The following CLN8 variants were observed in gnomAD, a reference collection of about 807,000 sequenced individuals.
The protein encoded by CLN8 is protein CLN8.
In CLN8, 14 loss-of-function variants were observed where a neutral mutation model predicts 15.7. The observed-to-expected ratio is 0.89, with a 90% CI of 0.59 to 1.39. The LOEUF is 1.39. Ranked by LOEUF, CLN8 falls within the 40% of genes most tolerant of loss-of-function variation. The pLI is 0.00. For missense variants in CLN8, 415 were observed against 364.0 expected, an observed-to-expected ratio of 1.14 and a Z score of -1.14; for synonymous variants, 188 against 151.0, an observed-to-expected ratio of 1.25 and a Z score of -1.80.
rs1198051464 is a variant in CLN8, at chr8:1,781,500, C to G, written c.*933C>G. ...CGCCTTGGAGTTTAACCCCCACCAACCAGAGCGTGGGCTGGTAAAGATGAA... is the reference window on the plus strand; with the variant it reads ...CGCCTTGGAGTTTAACCCCCACCAAGCAGAGCGTGGGCTGGTAAAGATGAA... On this transcript the variant is annotated 3_prime_UTR_variant, in exon 3 of 3. Transcript: ENST00000331222. 6.6e-6 allele frequency: 1 copy of G among 151,708 alleles called. No homozygotes were observed. Among genetic ancestry groups the G allele is most frequent in the Non-Finnish European group, 1.5e-5 (1 of 67,968 alleles). 9.4% of individuals were successfully genotyped at this position (151,708 alleles called of 1,614,324 possible).
At chr8:1,773,927 C>T (rs958431703) in intron 2 of CLN8, 2 of 152,224 alleles carry the variant, frequency 1.3e-5, no homozygotes, top group African/African-American at 4.8e-5. Context: ...ATTATTAATA[C>T]ATCCCACAAG....
At chr8:1,757,549 T>A (rs1454705411) in intron 1 of CLN8, among the ~76,000 whole-genome samples, 1 of 152,154 alleles carries the variant, frequency 6.6e-6, no homozygotes, top group Admixed American at 6.5e-5. Flanking sequence ...CATGTAATTC[T>A]CCTGCCTCAG....
At chr8:1,772,588 A>G (rs1167714754) in intron 2 of CLN8, among the ~76,000 whole-genome samples, 1 of 151,930 alleles carries the variant, frequency 6.6e-6, no homozygotes. Context: ...CCTCCCAAGT[A>G]GCTGGGATTA....
At chr8:1,774,724 G>A (rs1402263262) in intron 2 of CLN8, among the ~76,000 whole-genome samples, 2 of 152,172 alleles carry the variant, frequency 1.3e-5, no homozygotes, top group East Asian at 3.9e-4. Flanking sequence ...CAAGTGCGGT[G>A]GCTCACACCT....
chr8:1,768,221 G>A (rs1407254508), intron 1 of CLN8, among the ~76,000 whole-genome samples: 1 of 152,182 alleles, frequency 6.6e-6, no homozygotes, highest in African/African-American at 2.4e-5. Flanking sequence ...TGGGATTACA[G>A]GTGTGAGCCA....
rs1026460980 is a variant in CLN8, at chr8:1,771,477, T to G, written c.423T>G (p.Phe141Leu). 6.2e-7 allele frequency: 1 copy of G among 1,614,116 alleles called. No homozygotes were observed. The change falls in exon 2 of 3, where the codon TTT becomes TTG. Residue 141 changes from phenylalanine to leucine, a missense_variant. Coordinates refer to ENST00000331222, the MANE Select transcript of CLN8 (RefSeq NM_018941.4). ...TGTTTCTGGTTATCCACCATCTCTT[T>G]GCCTTTCTTGGGTTTCTTGGCTGCT... Reference protein sequence around the residue: ...FDLFLVIHHLFAFLGFLGCLV... With the variant: ...FDLFLVIHHLLAFLGFLGCLV...
At chr8:1,764,257 C>T (rs1441950145) in intron 1 of CLN8, 2 of 152,270 alleles carry the variant, frequency 1.3e-5, no homozygotes, top group Non-Finnish European at 2.9e-5. Flanking sequence ...AGCCCCGCAG[C>T]CCGGGGTCCT....
At chr8:1,761,200 C>G (rs943715210), upstream of CLN8, among the ~76,000 whole-genome samples, 15 of 151,724 alleles carry the variant, frequency 9.9e-5, no homozygotes, top group African/African-American at 3.6e-4. Flanking sequence ...GTTGCCTACA[C>G]AGAGCTGATT....
intron 2 of CLN8, among the ~76,000 whole-genome samples, chr8:1,775,837 G>A (rs181819051): frequency 4.6e-4 from 70 of 152,298 alleles, no homozygotes; most frequent in South Asian, 3.3e-3. Context: ...GATACTGTAC[G>A]CTCTCTTGAG....
chr8:1,768,607 C>T (rs1801175198), intron 1 of CLN8, among the ~76,000 whole-genome samples: 1 of 152,170 alleles, frequency 6.6e-6, no homozygotes, highest in African/African-American at 2.4e-5. Context: ...ATATTTTAAC[C>T]TTTAACAGTG....
chr8:1,775,927 A>G (rs1465355955), intron 2 of CLN8, among the ~76,000 whole-genome samples: 1 of 152,238 alleles, frequency 6.6e-6, no homozygotes, highest in Non-Finnish European at 1.5e-5. Context: ...GTAAGTGGGA[A>G]TCTGTGGGAG....
intron 2 of CLN8, among the ~76,000 whole-genome samples, chr8:1,776,739 A>G (rs1020767310): frequency 2.0e-5 from 3 of 152,328 alleles, no homozygotes; most frequent in South Asian, 2.1e-4. Context: ...TTGCGGCTCC[A>G]TGCATAGGTC....
chr8:1,760,016 C>T (rs1800755349), upstream of CLN8: 1 of 152,114 alleles, frequency 6.6e-6, no homozygotes. Context: ...TCACAATGAG[C>T]GTATATTGCT....
chr8:1,761,469 C>A (rs186667528), upstream of CLN8, among the ~76,000 whole-genome samples: 1 of 152,170 alleles, frequency 6.6e-6, no homozygotes, highest in Non-Finnish European at 1.5e-5. Flanking sequence ...GCATTACAGG[C>A]GTGCACCACC....
chr8:1,772,346 C>G (rs1227730415), intron 2 of CLN8, among the ~76,000 whole-genome samples: 4 of 152,178 alleles, frequency 2.6e-5, no homozygotes, highest in Admixed American at 2.0e-4. Context: ...GTGTTGGGAC[C>G]TAGCATAGTT....
At chr8:1,772,654 A>G (rs1585140367) in intron 2 of CLN8, among the ~76,000 whole-genome samples, 2 of 148,048 alleles carry the variant, frequency 1.4e-5, no homozygotes, top group Admixed American at 6.7e-5. Context: ...GTGTGTGTGT[A>G]TTTTTAGTAG....
intron 1 of CLN8, among the ~76,000 whole-genome samples, chr8:1,757,065 G>A (rs1319325004): frequency 6.6e-6 from 1 of 152,174 alleles, no homozygotes; most frequent in African/African-American, 2.4e-5. Flanking sequence ...AGATGAAGCT[G>A]GAGAGCAGGC....
intron 2 of CLN8, among the ~76,000 whole-genome samples, chr8:1,777,060 G>T (rs187759841): frequency 7.8e-4 from 119 of 152,192 alleles, no homozygotes; most frequent in Non-Finnish European, 1.4e-3. Context: ...TTTTGTCATC[G>T]AGTGGCCGTC....
intron 1 of CLN8, among the ~76,000 whole-genome samples, chr8:1,756,764 C>T (rs1800679799): frequency 6.7e-6 from 1 of 149,184 alleles, no homozygotes; most frequent in South Asian, 2.1e-4. Context: ...CTCACTGCAA[C>T]CTCTGCCTCC....
Sources: allele counts gnomAD v4.1 joint callset (sites outside exome capture counted in the v4.1 genomes callset), GRCh38; gene constraint gnomAD v4.1.1; transcripts MANE v1.5; gene names NCBI Gene and HGNC (gene_info 2026-07-23, HGNC 2026-07-21).